The following OLA1 variants were observed in gnomAD, a reference collection of about 807,000 sequenced individuals.
OLA1 encodes Obg like ATPase 1, also known as obg-like ATPase 1.
OLA1 carries 14 observed loss-of-function variants against 48.4 expected under a neutral mutation model. That is an observed-to-expected ratio of 0.29 (90% CI 0.19 to 0.45). The LOEUF (loss-of-function observed/expected upper bound fraction) is 0.45, where lower values mean the gene tolerates loss of function less well. OLA1 is among the 20% of genes least tolerant of loss of function. The pLI, the probability that OLA1 is intolerant of heterozygous loss-of-function variation, is 1.00. For missense variants in OLA1, 325 were observed against 467.1 expected, an observed-to-expected ratio of 0.70 and a Z score of 2.80; for synonymous variants, 127 against 150.4, an observed-to-expected ratio of 0.84 and a Z score of 1.14.
intron 4 of OLA1, among the ~76,000 whole-genome samples, chr2:174,147,123 A>T (rs1686620444): frequency 6.6e-6 from 1 of 152,172 alleles, no homozygotes; most frequent in South Asian, 2.1e-4. Flanking sequence ...AAGTTGTGTG[A>T]CTGAACAGCA....
chr2:174,198,653 C>T (rs563384050), intron 4 of OLA1, among the ~76,000 whole-genome samples: 10 of 152,142 alleles, frequency 6.6e-5, no homozygotes, highest in African/African-American at 2.4e-4. Flanking sequence ...TGGCAGTGGG[C>T]ACCTGTAATC....
chr2:174,084,850 A>C (rs1684933324), intron 7 of OLA1, among the ~76,000 whole-genome samples: 1 of 152,238 alleles, frequency 6.6e-6, no homozygotes, highest in African/African-American at 2.4e-5. Flanking sequence ...ATGTTAGCAA[A>C]TGTCTAAAGA....
intron 4 of OLA1, among the ~76,000 whole-genome samples, chr2:174,178,361 A>G (rs1687464128): frequency 6.6e-6 from 1 of 152,066 alleles, no homozygotes; most frequent in African/African-American, 2.4e-5. Flanking sequence ...TTACAAATAA[A>G]CTAAATCAAA....
At chr2:174,219,315 T>C (rs1250018788) in intron 4 of OLA1, among the ~76,000 whole-genome samples, 3 of 151,804 alleles carry the variant, frequency 2.0e-5, no homozygotes, top group Non-Finnish European at 4.4e-5. Context: ...TATTCTATAT[T>C]GTTTATGCTC....
At chr2:174,216,817 A>AT (rs1688371430) in intron 4 of OLA1, among the ~76,000 whole-genome samples, 1 of 152,068 alleles carries the variant, frequency 6.6e-6, no homozygotes, top group Non-Finnish European at 1.5e-5. Context: ...AAATGCTGCG[A>AT]TTACAAGCCT....
intron 7 of OLA1, among the ~76,000 whole-genome samples, chr2:174,091,937 C>T (rs2105346621): frequency 7.8e-6 from 1 of 128,172 alleles, no homozygotes; most frequent in African/African-American, 2.9e-5. Context: ...CTGCCAATCT[C>T]TATTCCCTTA....
chr2:174,086,418 A>T (rs985587965), intron 7 of OLA1, among the ~76,000 whole-genome samples: 6 of 152,084 alleles, frequency 3.9e-5, no homozygotes, highest in African/African-American at 1.4e-4. Flanking sequence ...TCCGATGGGG[A>T]TATGTTTCAA....
chr2:174,170,873 T>C (rs990899206), intron 4 of OLA1, among the ~76,000 whole-genome samples: 2 of 152,208 alleles, frequency 1.3e-5, no homozygotes, highest in Admixed American at 6.5e-5. Flanking sequence ...CACTGCACCC[T>C]AGCCTGTGTA....
chr2:174,082,685 A>G (rs1024544573), intron 7 of OLA1, among the ~76,000 whole-genome samples: 2 of 152,192 alleles, frequency 1.3e-5, no homozygotes, highest in Admixed American at 1.3e-4. Context: ...TTGTGAGAAC[A>G]AGAATAATAG....
In OLA1 at chr2:174,102,133, A is replaced by T. The variant is rs145181903; in HGVS notation, c.729-20069T>A. Among the ~76,000 whole-genome samples, 107 of 152,254 alleles carry T rather than the reference A, an allele frequency of 7.0e-4. 2 individuals are homozygous for T. The highest frequency in any genetic ancestry group is 5.0e-3 in the East Asian group (26 of 5,154). On this transcript the variant is annotated intron_variant, in intron 7 of 10. Coordinates refer to ENST00000284719, the MANE Select transcript of OLA1 (RefSeq NM_013341.5). Reference sequence around the variant, plus strand: ...TCATTAGCAGAGAGCAATCCTTCTCAAAGTATCATCCAAGTGTCAGCAACA... The same window carrying T: ...TCATTAGCAGAGAGCAATCCTTCTCTAAGTATCATCCAAGTGTCAGCAACA...
intron 4 of OLA1, among the ~76,000 whole-genome samples, chr2:174,219,423 C>CTTTTTTTTTTTTTTTTTTTTTTTTTTTT (rs372577919): frequency 1.1e-5 from 1 of 94,896 alleles, no homozygotes; most frequent in East Asian, 3.6e-4. Flanking sequence ...TTTTATTTCC[C>CTTTTTTTTTTTTTTTTTTTTTTTTTTTT]TTTTTTTTTT....
chr2:174,138,570 G>A (rs915671819), intron 5 of OLA1, among the ~76,000 whole-genome samples: 1 of 152,150 alleles, frequency 6.6e-6, no homozygotes, highest in African/African-American at 2.4e-5. Context: ...GGGAGCACAT[G>A]CTGTTGGAAA....
intron 4 of OLA1, among the ~76,000 whole-genome samples, chr2:174,165,757 A>G (rs1163258920): frequency 6.6e-6 from 1 of 152,214 alleles, no homozygotes; most frequent in Non-Finnish European, 1.5e-5. Flanking sequence ...AGAGACAAAA[A>G]GAAACACACT....
At position 174,236,870 on chromosome 2, in the gene OLA1, G is replaced by A. The variant is rs572327166; in HGVS notation, c.102-7419C>T. Among the ~76,000 whole-genome samples, 4 of 152,262 alleles carry A rather than the reference G, an allele frequency of 2.6e-5. No homozygotes were observed. In the South Asian group the frequency reaches 6.2e-4, roughly 24 times the overall value. Reference sequence around the variant, plus strand: ...TACCATGAGTGGAGCTTGCAGGCCTGGAAGGTGCTCTGGGTGAGTCAATGA... The same window carrying A: ...TACCATGAGTGGAGCTTGCAGGCCTAGAAGGTGCTCTGGGTGAGTCAATGA... On this transcript the variant is annotated intron_variant, in intron 2 of 10. Transcript: ENST00000284719.
At chr2:174,230,291 G>A (rs1688698875) in intron 2 of OLA1, among the ~76,000 whole-genome samples, 1 of 152,034 alleles carries the variant, frequency 6.6e-6, no homozygotes, top group Non-Finnish European at 1.5e-5. Context: ...AACTCACAGT[G>A]GCCATCTTTT....
chr2:174,241,247 G>A (rs1020058638), intron 2 of OLA1, among the ~76,000 whole-genome samples: 1 of 152,188 alleles, frequency 6.6e-6, no homozygotes, highest in Admixed American at 6.5e-5. Flanking sequence ...GCAGTCACAT[G>A]AGGGATCCCA....
chr2:174,114,172 C>CAAAAAAAAAA (rs33971592), intron 7 of OLA1, among the ~76,000 whole-genome samples: 36 of 77,632 alleles, frequency 4.6e-4, no homozygotes, highest in Non-Finnish European at 6.3e-4. Flanking sequence ...ACTAAAAATA[C>CAAAAAAAAAA]AAAAAAAAAA....
At chr2:174,110,302 ATTTTTTTTTTT>A (rs575026912) in intron 7 of OLA1, among the ~76,000 whole-genome samples, 1 of 113,860 alleles carries the variant, frequency 8.8e-6, no homozygotes, top group East Asian at 2.5e-4. Flanking sequence ...CCATGCTTGG[ATTTTTTTTTTT>A]TTTTTTTTTT....
chr2:174,163,319 A>G (rs1015270070), intron 4 of OLA1, among the ~76,000 whole-genome samples: 5 of 152,216 alleles, frequency 3.3e-5, no homozygotes, highest in African/African-American at 1.2e-4. Flanking sequence ...AAAGAAGAGA[A>G]GTACTTCCAG....
Sources: allele counts gnomAD v4.1 joint callset (sites outside exome capture counted in the v4.1 genomes callset), GRCh38; gene constraint gnomAD v4.1.1; transcripts MANE v1.5; gene names NCBI Gene and HGNC (gene_info 2026-07-23, HGNC 2026-07-21).